PRKD1: variants seen among roughly 807,000 people sequenced by gnomAD.
PRKD1 encodes serine/threonine-protein kinase D1.
In PRKD1, 63 loss-of-function variants were observed where a neutral mutation model predicts 95.9. That is an observed-to-expected ratio of 0.66 (90% CI 0.54 to 0.81). PRKD1 has a LOEUF of 0.81. PRKD1 is among the 30% of genes least tolerant of loss of function. The pLI is 0.00. For missense variants in PRKD1, 1,048 were observed against 1,165.3 expected, an observed-to-expected ratio of 0.90 and a Z score of 1.47; for synonymous variants, 425 against 423.1, an observed-to-expected ratio of 1.00 and a Z score of -0.05.
At chr14:29,792,643 C>T (rs923551936) in intron 1 of PRKD1, among the ~76,000 whole-genome samples, 2 of 151,950 alleles carry the variant, frequency 1.3e-5, no homozygotes, top group Admixed American at 6.6e-5. Context: ...TCAGTGACAG[C>T]GGCAGTCAGG....
intron 1 of PRKD1, among the ~76,000 whole-genome samples, chr14:29,917,055 GA>G (rs1347370783): frequency 6.6e-6 from 1 of 152,086 alleles, no homozygotes; most frequent in African/African-American, 2.4e-5. Flanking sequence ...GGGAGGGGGG[GA>G]AATGTTCATG....
chr14:29,578,781 T>C (rs1227650403), intron 16 of PRKD1, among the ~76,000 whole-genome samples: 1 of 152,108 alleles, frequency 6.6e-6, no homozygotes, highest in Non-Finnish European at 1.5e-5. Context: ...AACGTTTGAA[T>C]ACACACAATG....
intron 1 of PRKD1, among the ~76,000 whole-genome samples, chr14:29,870,395 A>G (rs1319323606): frequency 6.6e-6 from 1 of 152,218 alleles, no homozygotes; most frequent in Non-Finnish European, 1.5e-5. Context: ...GGTGTAGAAA[A>G]AAAAAGGCAG....
chr14:29,724,066 G>A (rs1886029160), intron 2 of PRKD1, among the ~76,000 whole-genome samples: 1 of 152,154 alleles, frequency 6.6e-6, no homozygotes. Context: ...CAACACGAGG[G>A]AAGAGCAGGT....
At chr14:29,614,948 G>A (rs1353781095) in intron 13 of PRKD1, among the ~76,000 whole-genome samples, 1 of 150,076 alleles carries the variant, frequency 6.7e-6, no homozygotes, top group African/African-American at 2.5e-5. Flanking sequence ...CTGAGCTCAG[G>A]CAGTCTGCCC....
chr14:29,734,406 G>C (rs1886618245), intron 1 of PRKD1, among the ~76,000 whole-genome samples: 1 of 151,940 alleles, frequency 6.6e-6, no homozygotes, highest in African/African-American at 2.4e-5. Context: ...GTTGGACTTT[G>C]TTGCCTTTTT....
intron 2 of PRKD1, among the ~76,000 whole-genome samples, chr14:29,722,075 A>T (rs1001395768): frequency 1.3e-5 from 2 of 152,050 alleles, no homozygotes; most frequent in Non-Finnish European, 2.9e-5. Context: ...TAACCTTGAA[A>T]TTTTTCCCTA....
At chr14:29,611,239 T>C (rs1471434044) in intron 13 of PRKD1, among the ~76,000 whole-genome samples, 1 of 152,172 alleles carries the variant, frequency 6.6e-6, no homozygotes, top group Non-Finnish European at 1.5e-5. Context: ...GGTACACATG[T>C]GTAGGGGCAA....
intron 1 of PRKD1, among the ~76,000 whole-genome samples, chr14:29,796,104 C>T (rs924594377): frequency 5.3e-5 from 8 of 152,052 alleles, no homozygotes; most frequent in African/African-American, 1.7e-4. Context: ...ATGACATCTC[C>T]CATTGGATTA....
At chr14:29,587,282 A>C (rs147883058) in intron 16 of PRKD1, among the ~76,000 whole-genome samples, 2,653 of 152,278 alleles carry the variant, frequency 0.017, 83 homozygotes, top group African/African-American at 0.061. Context: ...TACTCAGTGG[A>C]TTGGCACTTG....
intron 1 of PRKD1, among the ~76,000 whole-genome samples, chr14:29,871,424 G>A (rs1003568938): frequency 6.6e-6 from 1 of 152,130 alleles, no homozygotes; most frequent in Non-Finnish European, 1.5e-5. Context: ...AAACTTTATT[G>A]CCAAAATGAG....
At chr14:29,908,438 C>T (rs951079863) in intron 1 of PRKD1, among the ~76,000 whole-genome samples, 10 of 152,078 alleles carry the variant, frequency 6.6e-5, no homozygotes, top group East Asian at 1.9e-4. Context: ...GGATAACAGG[C>T]GCCCACCACC....
chr14:29,695,682 A>G (rs1369908294), intron 2 of PRKD1, among the ~76,000 whole-genome samples: 3 of 152,114 alleles, frequency 2.0e-5, no homozygotes, highest in Non-Finnish European at 4.4e-5. Flanking sequence ...CCAAGTGGAG[A>G]TGTTGAGTTA....
At position 29,673,407 on chromosome 14, in the gene PRKD1, A is replaced by G. The variant is rs576094351; in HGVS notation, c.404-7199T>C. Among the ~76,000 whole-genome samples, 52 of 151,984 alleles carry G rather than the reference A, an allele frequency of 3.4e-4. 1 individual carries two copies. The highest frequency in any genetic ancestry group is 1.2e-3 in the African/African-American group (51 of 41,442). On this transcript the variant is annotated intron_variant, in intron 2 of 17. Coordinates refer to ENST00000331968, the MANE Select transcript of PRKD1 (RefSeq NM_002742.3). ...ATCCCTCCTTCTGTTTTGCATACAT[A>G]CTTCTCAGGCAGCCAGGTTCCACCT...
intron 1 of PRKD1, among the ~76,000 whole-genome samples, chr14:29,819,626 C>T (rs1360610333): frequency 1.3e-5 from 2 of 151,948 alleles, no homozygotes; most frequent in Non-Finnish European, 2.9e-5. Flanking sequence ...GCAGGCAGAG[C>T]TTGCAGTGAG....
chr14:29,607,977 C>T (rs562691432), intron 13 of PRKD1, among the ~76,000 whole-genome samples: 1 of 152,200 alleles, frequency 6.6e-6, no homozygotes, highest in African/African-American at 2.4e-5. Flanking sequence ...AAGTCTTTGT[C>T]CTTTGAAACT....
intron 1 of PRKD1, 28 bp downstream of exon 1, chr14:29,927,221 C>A: frequency 6.8e-7 from 1 of 1,469,154 alleles, no homozygotes; most frequent in South Asian, 1.3e-5. Flanking sequence ...CGGGGAGGCG[C>A]CGGGCTGGCA....
At position 29,927,639 on chromosome 14, in the gene PRKD1, C is replaced by G; in HGVS notation, c.-127G>C. 1 of 706,108 alleles carries G rather than the reference C, an allele frequency of 1.4e-6. No individual in the cohort carries two copies. The highest frequency in any genetic ancestry group is 1.8e-6 in the Non-Finnish European group (1 of 571,364). 43.7% of individuals were successfully genotyped at this position (706,108 alleles called of 1,614,324 possible). A position where few individuals can be genotyped will look rare whatever the true frequency, so the allele number is the denominator to read the frequency against. On this transcript the variant is annotated 5_prime_UTR_variant, in exon 1 of 18. Transcript: ENST00000331968. ...GCCCAGACGGAAAATAAAAACTTTC[C>G]GGAAAAGTCCCTGGGCTGGGGGAGG...
At chr14:29,646,050 C>T (rs1053602892) in intron 4 of PRKD1, among the ~76,000 whole-genome samples, 3 of 151,960 alleles carry the variant, frequency 2.0e-5, no homozygotes, top group Non-Finnish European at 4.4e-5. Context: ...TCTGGAATAC[C>T]GTGTCACAAA....
Sources: gnomAD v4.1 joint callset for allele counts (sites outside exome capture counted in the v4.1 genomes callset) on GRCh38, gnomAD v4.1.1 for gene constraint, MANE v1.5 for transcripts, NCBI Gene and HGNC (gene_info 2026-07-23, HGNC 2026-07-21) for gene names.